URM1: variants seen among roughly 807,000 people sequenced by gnomAD.
URM1 encodes the protein ubiquitin-related modifier 1.
URM1 carries 11 observed loss-of-function variants against 17.7 expected under a neutral mutation model. That is an observed-to-expected ratio of 0.62 (90% CI 0.39 to 1.03). The LOEUF is 1.03. Ranked by LOEUF, URM1 falls within the 50% of genes least tolerant of loss-of-function variation. The probability of loss-of-function intolerance (pLI) is 0.00; values close to 1 mark genes in which losing one functional copy is unlikely to be tolerated. For synonymous variants in URM1, 48 were observed against 50.6 expected (o/e 0.95, Z 0.22); for missense variants, 128 against 129.2 (o/e 0.99, Z 0.04).
intron 1 of URM1, among the ~76,000 whole-genome samples, chr9:128,372,934 A>G (rs1833031624): frequency 6.6e-6 from 1 of 151,988 alleles, no homozygotes; most frequent in Admixed American, 6.6e-5. Flanking sequence ...AAGAAGATTT[A>G]TCTGCAGACA....
chr9:128,390,091 C>T lies in URM1; in HGVS notation c.*357C>T, dbSNP rs996292400. On this transcript the variant is annotated 3_prime_UTR_variant, in exon 5 of 5. Transcript: ENST00000372853. ...AAACATGGAGTGGCCGCTGACAAGG[C>T]GCTCCAGCCCCAGAGCCAGCGTCTT... 6.5e-5 allele frequency: 19 copies of T among 294,128 alleles called. No homozygotes were observed. The highest frequency in any genetic ancestry group is 5.7e-4 in the East Asian group (8 of 13,930). The allele number at this position is 294,128 out of a possible 1,614,324, so 18.2% of individuals were successfully genotyped here. A position where few individuals can be genotyped will look rare whatever the true frequency, so the allele number is the denominator to read the frequency against.
At chr9:128,388,610 T>TC (rs1833260657) in intron 3 of URM1, 3 of 986,244 alleles carry the variant, frequency 3.0e-6, no homozygotes, top group Middle Eastern at 5.2e-4. Flanking sequence ...GGTCCAGTGG[T>TC]CCTGGAGGCC....
chr9:128,389,555 G>A, intron 4 of URM1, 111 bp from the exon 5 acceptor site: 1 of 1,557,788 alleles, frequency 6.4e-7, no homozygotes, highest in Non-Finnish European at 8.7e-7. Context: ...TTTTCTGGTA[G>A]AGTCTGTCTC....
chr9:128,383,855 C>T (rs188012853), intron 2 of URM1, among the ~76,000 whole-genome samples: 1 of 152,168 alleles, frequency 6.6e-6, no homozygotes, highest in South Asian at 2.1e-4. Context: ...GACAAGTCCA[C>T]CGGGGCGAGG....
intron 1 of URM1, among the ~76,000 whole-genome samples, chr9:128,372,027 G>A (rs549156605): frequency 2.6e-5 from 4 of 152,124 alleles, no homozygotes; most frequent in African/African-American, 9.7e-5. Flanking sequence ...AACTAACAGG[G>A]ACAGTATAGT....
chr9:128,391,052 C>T lies in URM1; in HGVS notation c.*1318C>T, dbSNP rs145917322. On this transcript the variant is annotated 3_prime_UTR_variant, in exon 5 of 5. Transcript: ENST00000372853. ...AATGAGGGTAGCATAGATAAGACTG[C>T]TGAGCCCCCTTTCTGTGGTCTTTCC... 2 of 152,386 alleles carry T rather than the reference C, an allele frequency of 1.3e-5. No homozygotes were observed. Among genetic ancestry groups the T allele is most frequent in the Admixed American group, 1.3e-4 (2 of 15,298 alleles). The allele number at this position is 152,386 out of a possible 1,614,324, so 9.4% of individuals were successfully genotyped here.
chr9:128,375,026 T>A (rs1833059559), intron 1 of URM1, among the ~76,000 whole-genome samples: 1 of 152,202 alleles, frequency 6.6e-6, no homozygotes, highest in Non-Finnish European at 1.5e-5. Context: ...CAGGAATCAG[T>A]TAGACTGAAA....
chr9:128,385,058 G>A (rs1833208556), intron 2 of URM1, among the ~76,000 whole-genome samples: 1 of 152,208 alleles, frequency 6.6e-6, no homozygotes, highest in African/African-American at 2.4e-5. Context: ...ACATACCTGG[G>A]AGATACCGCT....
In URM1 at chr9:128,387,762, T is replaced by C; in HGVS notation, c.107-54T>C. The C allele has an allele frequency of 6.2e-7, 1 of 1,610,528 alleles. No homozygotes were observed. Among genetic ancestry groups the C allele is most frequent in the African/African-American group, 1.3e-5 (1 of 74,960 alleles). ...TGTGGGCCAGGCAAGGCTCTGGGGG[T>C]GGGCAGGTGCTATTTGGGTTTGACA... On this transcript the variant is annotated intron_variant, in intron 2 of 4. Coordinates refer to ENST00000372853, the MANE Select transcript of URM1 (RefSeq NM_030914.4). This position sits in a 1 kb window ranked among gnomAD's most constrained non-coding sequence, Gnocchi z 4.3.
At chr9:128,388,224 G>GA (rs1290222468) in intron 3 of URM1, 8 of 1,159,830 alleles carry the variant, frequency 6.9e-6, no homozygotes, top group Non-Finnish European at 8.5e-6. Context: ...AAGTGCTGAG[G>GA]AAAAAACGTA....
intron 1 of URM1, among the ~76,000 whole-genome samples, chr9:128,373,703 C>T (rs1833041035): frequency 6.6e-6 from 1 of 152,150 alleles, no homozygotes; most frequent in South Asian, 2.1e-4. Context: ...GGAGTTCTCT[C>T]CGTCCCACCC....
chr9:128,374,650 T>C (rs1411425331), intron 1 of URM1, among the ~76,000 whole-genome samples: 1 of 152,242 alleles, frequency 6.6e-6, no homozygotes, highest in Non-Finnish European at 1.5e-5. Flanking sequence ...ATGACAATGC[T>C]TGCCTTGCCT....
At chr9:128,372,990 A>C (rs1018706345) in intron 1 of URM1, among the ~76,000 whole-genome samples, 1 of 152,162 alleles carries the variant, frequency 6.6e-6, no homozygotes, top group African/African-American at 2.4e-5. Context: ...TTGTTTATCA[A>C]CAATGTCTCT....
intron 2 of URM1, among the ~76,000 whole-genome samples, chr9:128,381,993 A>T (rs1173791337): frequency 6.6e-6 from 1 of 152,236 alleles, no homozygotes; most frequent in Non-Finnish European, 1.5e-5. Context: ...CCCCTAAAAG[A>T]GAAAGAGAAG....
At chr9:128,388,953 G>GT in intron 3 of URM1, 1 of 1,209,450 alleles carries the variant, frequency 8.3e-7, no homozygotes, top group Non-Finnish European at 1.0e-6. Context: ...GGGTTAGACA[G>GT]TATCACTTAT....
chr9:128,376,639 C>T (rs973775053), intron 1 of URM1, among the ~76,000 whole-genome samples: 7 of 150,828 alleles, frequency 4.6e-5, no homozygotes, highest in East Asian at 2.0e-4. Flanking sequence ...CCAGCCTGGG[C>T]GACAGAGCGA....
At chr9:128,381,173 C>A (rs1833155399) in intron 2 of URM1, among the ~76,000 whole-genome samples, 1 of 152,182 alleles carries the variant, frequency 6.6e-6, no homozygotes, top group South Asian at 2.1e-4. Context: ...TTTGAATGCC[C>A]TCTTTGTGCC....
In URM1 at chr9:128,391,266, G is replaced by A. The variant is rs374155409; in HGVS notation, c.*1532G>A. On this transcript the variant is annotated 3_prime_UTR_variant, in exon 5 of 5. Transcript: ENST00000372853. ...AAAAGGTTGTCCCAGCAGTGTTGGGGGATGGGGTGTGCACATCATTCTTTT... is the reference window on the plus strand; with the variant it reads ...AAAAGGTTGTCCCAGCAGTGTTGGGAGATGGGGTGTGCACATCATTCTTTT... 2.6e-5 allele frequency: 4 copies of A among 152,284 alleles called. No individual in the cohort carries two copies. The highest frequency in any genetic ancestry group is 4.4e-5 in the Non-Finnish European group (3 of 68,094). 9.4% of individuals were successfully genotyped at this position (152,284 alleles called of 1,614,324 possible).
In URM1 at chr9:128,387,695, C is replaced by A. The variant is rs1833245895; in HGVS notation, c.107-121C>A. On this transcript the variant is annotated intron_variant, in intron 2 of 4. Coordinates refer to ENST00000372853, the MANE Select transcript of URM1 (RefSeq NM_030914.4). The surrounding 1 kb of genome is among the most constrained non-coding windows in gnomAD (Gnocchi z 4.3). ...TCTACAAGTTCATGGGCTATCACAG[C>A]CTGGTCTAAAAGAAGCCCTCTAAAC... The A allele has an allele frequency of 9.3e-6, 14 of 1,504,576 alleles. No homozygotes were observed. Among genetic ancestry groups the A allele is most frequent in the Non-Finnish European group, 1.2e-5 (13 of 1,110,322 alleles). The allele number at this position is 1,504,576 out of a possible 1,614,324, so 93.2% of individuals were successfully genotyped here.
Sources: gnomAD v4.1 joint callset for allele counts (sites outside exome capture counted in the v4.1 genomes callset) on GRCh38, gnomAD v4.1.1 for gene constraint, Gnocchi (gnomAD v3.1) non-coding constraint, MANE v1.5 for transcripts, NCBI Gene and HGNC (gene_info 2026-07-23, HGNC 2026-07-21) for gene names.